CNTNAP5: variants seen among roughly 807,000 people sequenced by gnomAD.
The protein encoded by CNTNAP5 is contactin associated protein family member 5.
A neutral mutation model predicts 150.2 loss-of-function variants in CNTNAP5; 72 were observed. The ratio of observed to expected loss-of-function variants is 0.48; its 90% CI spans 0.40 to 0.58. The LOEUF is 0.58. Among genes scored for constraint, CNTNAP5 ranks in the 20% least tolerant of loss-of-function variants. The pLI is 0.00. For missense variants in CNTNAP5, 1,636 were observed against 1,626.2 expected (o/e 1.01, Z -0.10); for synonymous variants, 672 against 619.8 (o/e 1.08, Z -1.25).
intron 4 of CNTNAP5, among the ~76,000 whole-genome samples, chr2:124,424,492 C>A (rs1017700508): frequency 6.6e-6 from 1 of 152,148 alleles, no homozygotes; most frequent in Non-Finnish European, 1.5e-5. Flanking sequence ...TCATTGCAGT[C>A]CCCTCATTAG....
At chr2:124,301,030 G>T (rs964011730) in intron 3 of CNTNAP5, among the ~76,000 whole-genome samples, 19 of 152,134 alleles carry the variant, frequency 1.2e-4, no homozygotes, top group Non-Finnish European at 2.6e-4. Context: ...AACAAAATGA[G>T]CTCCCTGAAG....
At chr2:124,745,090 G>A (rs1017767687) in intron 13 of CNTNAP5, among the ~76,000 whole-genome samples, 4 of 151,344 alleles carry the variant, frequency 2.6e-5, no homozygotes, top group Admixed American at 6.6e-5. Context: ...GATTCAAAAC[G>A]GAATTAAGAG....
intron 1 of CNTNAP5, among the ~76,000 whole-genome samples, chr2:124,185,984 A>T (rs1009736690): frequency 6.6e-6 from 1 of 152,262 alleles, no homozygotes; most frequent in African/African-American, 2.4e-5. Context: ...TATAAATAAG[A>T]TAATTGCAAA....
At chr2:124,516,379 A>G (rs1018862325) in intron 8 of CNTNAP5, among the ~76,000 whole-genome samples, 8 of 152,220 alleles carry the variant, frequency 5.3e-5, no homozygotes, top group Non-Finnish European at 1.2e-4. Context: ...GAGGACATAG[A>G]AAGGCCATTG....
chr2:124,643,492 A>C (rs1678137416), intron 12 of CNTNAP5, among the ~76,000 whole-genome samples: 1 of 152,222 alleles, frequency 6.6e-6, no homozygotes, highest in South Asian at 2.1e-4. Flanking sequence ...TATAGTGGAA[A>C]AAAAAAACTT....
chr2:124,077,124 T>C (rs954305460), intron 1 of CNTNAP5, among the ~76,000 whole-genome samples: 43 of 152,152 alleles, frequency 2.8e-4, no homozygotes, highest in African/African-American at 1.0e-3. Flanking sequence ...CAGTGGCATA[T>C]ACAATTATAC....
chr2:124,414,579 A>G (rs770985188), intron 3 of CNTNAP5, among the ~76,000 whole-genome samples: 15 of 152,282 alleles, frequency 9.9e-5, no homozygotes, highest in Middle Eastern at 3.4e-3. Context: ...TGAGAGTCCA[A>G]GATTCCTTCT....
chr2:124,610,397 A>G (rs1573495359), intron 12 of CNTNAP5, among the ~76,000 whole-genome samples: 1 of 152,184 alleles, frequency 6.6e-6, no homozygotes, highest in Admixed American at 6.5e-5. Context: ...GGCTACCCCC[A>G]GAGCTGTGAG....
rs568963265 is a variant in CNTNAP5 at position 124,754,184 on chromosome 2, G to C, written c.2234+6799G>C. Among the ~76,000 whole-genome samples the C allele has an allele frequency of 2.7e-4, 41 of 152,266 alleles. 1 individual carries two copies. The highest frequency in any genetic ancestry group is 4.1e-4 in the South Asian group (2 of 4,832). On this transcript the variant is annotated intron_variant, in intron 14 of 23. Transcript: ENST00000682447. ...GGCGCCTTAGACCACATAGTATCTT[G>C]AGAAGGGGCCCCAATCCTGAATTCT...
At chr2:124,220,832 G>A (rs559789085) in intron 1 of CNTNAP5, among the ~76,000 whole-genome samples, 1 of 152,138 alleles carries the variant, frequency 6.6e-6, no homozygotes, top group South Asian at 2.1e-4. Flanking sequence ...ACTTAATATT[G>A]TTACAATGAC....
rs529228708 is a variant in CNTNAP5, at chr2:124,904,830, G to A, written c.3655+1730G>A. Among the ~76,000 whole-genome samples the A allele has an allele frequency of 2.5e-3, 381 of 151,690 alleles. 2 individuals are homozygous for A. The highest frequency in any genetic ancestry group is 8.7e-3 in the African/African-American group (362 of 41,438). On this transcript the variant is annotated intron_variant, in intron 22 of 23. Coordinates refer to ENST00000682447, the MANE Select transcript of CNTNAP5 (RefSeq NM_001367498.1). ...ATTGGTCTTGAAAATATATATATAT[G>A]TTTACATGACACCAAAAGTATGATC...
intron 13 of CNTNAP5, among the ~76,000 whole-genome samples, chr2:124,718,251 T>A (rs1159276028): frequency 6.6e-6 from 1 of 152,190 alleles, no homozygotes; most frequent in Non-Finnish European, 1.5e-5. Flanking sequence ...AATTACCTCC[T>A]CTTTGCTTAA....
At chr2:124,657,738 G>C (rs919369507) in intron 13 of CNTNAP5, among the ~76,000 whole-genome samples, 1 of 152,094 alleles carries the variant, frequency 6.6e-6, no homozygotes, top group African/African-American at 2.4e-5. Flanking sequence ...AGTGAACTTG[G>C]CCCCACTTTG....
At chr2:124,866,768 C>T (rs893637818) in intron 20 of CNTNAP5, among the ~76,000 whole-genome samples, 28 of 152,042 alleles carry the variant, frequency 1.8e-4, no homozygotes, top group African/African-American at 6.8e-4. Flanking sequence ...CCTCAGCAAG[C>T]CCTTGCATCT....
At chr2:124,351,901 C>T in intron 3 of CNTNAP5, among the ~76,000 whole-genome samples, 1 of 152,000 alleles carries the variant, frequency 6.6e-6, no homozygotes, top group East Asian at 1.9e-4. Flanking sequence ...CTGGTAGTTA[C>T]ATGGAGGAGT....
At chr2:124,862,709 C>T (rs1252175500) in intron 19 of CNTNAP5, among the ~76,000 whole-genome samples, 3 of 152,178 alleles carry the variant, frequency 2.0e-5, no homozygotes, top group Non-Finnish European at 4.4e-5. Flanking sequence ...GATTAATGAG[C>T]CCCCAGCTCT....
intron 1 of CNTNAP5, among the ~76,000 whole-genome samples, chr2:124,032,374 T>C (rs933509561): frequency 6.6e-6 from 1 of 152,136 alleles, no homozygotes; most frequent in Non-Finnish European, 1.5e-5. Flanking sequence ...GCTATGGAGA[T>C]TCATTGAATG....
At chr2:124,560,377 G>C (rs1472821448) in intron 10 of CNTNAP5, among the ~76,000 whole-genome samples, 3 of 151,910 alleles carry the variant, frequency 2.0e-5, no homozygotes, top group Non-Finnish European at 2.9e-5. Context: ...AAATTAGCTG[G>C]GCATGGTGGC....
intron 13 of CNTNAP5, among the ~76,000 whole-genome samples, chr2:124,676,880 A>C (rs1453984254): frequency 6.6e-6 from 1 of 152,210 alleles, no homozygotes; most frequent in African/African-American, 2.4e-5. Flanking sequence ...GACAATTTTG[A>C]ATAGTGCTCT....
Sources: gnomAD v4.1 joint callset for allele counts (sites outside exome capture counted in the v4.1 genomes callset) on GRCh38, gnomAD v4.1.1 for gene constraint, MANE v1.5 for transcripts, NCBI Gene and HGNC (gene_info 2026-07-23, HGNC 2026-07-21) for gene names.